The following CCDC148 variants were observed in gnomAD, a reference collection of about 807,000 sequenced individuals.
CCDC148 encodes the protein coiled-coil domain-containing protein 148.
In CCDC148, 89 loss-of-function variants were observed where a neutral mutation model predicts 85.7. The ratio of observed to expected loss-of-function variants is 1.04; its 90% CI spans 0.87 to 1.24. The LOEUF (loss-of-function observed/expected upper bound fraction) is 1.24. Among genes scored for constraint, CCDC148 ranks in the 50% most tolerant of loss-of-function variants. The pLI is 0.00. For missense variants in CCDC148, 692 were observed against 671.7 expected, an observed-to-expected ratio of 1.03 and a Z score of -0.33; for synonymous variants, 230 against 213.9, an observed-to-expected ratio of 1.08 and a Z score of -0.66.
chr2:158,208,340 CTCTT>C (rs1022978235), intron 11 of CCDC148, among the ~76,000 whole-genome samples: 2 of 42,908 alleles, frequency 4.7e-5, no homozygotes, highest in Admixed American at 3.7e-4. Context: ...AGAAGGTGTT[CTCTT>C]TCTTTTTTCT....
chr2:158,206,867 C>A (rs2105287808), intron 11 of CCDC148, among the ~76,000 whole-genome samples: 1 of 152,260 alleles, frequency 6.6e-6, no homozygotes, highest in African/African-American at 2.4e-5. Flanking sequence ...CAGCAACCTG[C>A]CACTTGCTCA....
intron 9 of CCDC148, among the ~76,000 whole-genome samples, chr2:158,306,778 G>A (rs1429968515): frequency 1.3e-5 from 2 of 151,078 alleles, no homozygotes; most frequent in African/African-American, 4.9e-5. Flanking sequence ...ATATACATAT[G>A]TAACAAACCT....
At chr2:158,348,270 T>C (rs79404224) in intron 2 of CCDC148, among the ~76,000 whole-genome samples, 28 of 152,160 alleles carry the variant, frequency 1.8e-4, no homozygotes, top group Admixed American at 4.6e-4. Context: ...TTGAATCTGA[T>C]CAAGTCCCTA....
Position 158,423,617 on chromosome 2 carries a change from A to G in CCDC148, c.25+32798T>C, listed in dbSNP as rs183749430. On this transcript the variant is annotated intron_variant, in intron 1 of 13. Transcript: ENST00000283233. ...AGACCTAAAACCATAAAAACCTTAG[A>G]AAAAAACCTAGGCAATACCATTCAG... 6.9e-3 allele frequency among the ~76,000 whole-genome samples: 1,048 copies of G among 152,320 alleles called. 16 individuals are homozygous for G. Among genetic ancestry groups the G allele is most frequent in the African/African-American group, 0.023 (946 of 41,560 alleles).
chr2:158,276,965 A>C (rs903530783), intron 9 of CCDC148, among the ~76,000 whole-genome samples: 16 of 152,234 alleles, frequency 1.1e-4, no homozygotes, highest in Non-Finnish European at 2.9e-5. Context: ...AATTTACTAA[A>C]AGATGTAAAT....
chr2:158,403,696 A>G (rs1685884924), intron 1 of CCDC148, among the ~76,000 whole-genome samples: 1 of 152,138 alleles, frequency 6.6e-6, no homozygotes, highest in African/African-American at 2.4e-5. Context: ...AAACACACAC[A>G]CACACACACA....
At chr2:158,225,455 C>A (rs1047063341) in intron 10 of CCDC148, among the ~76,000 whole-genome samples, 15 of 152,106 alleles carry the variant, frequency 9.9e-5, no homozygotes, top group African/African-American at 2.9e-4. Context: ...CCAAGCAGAA[C>A]TAATAGACAT....
chr2:158,246,493 G>A (rs968638209), intron 10 of CCDC148, among the ~76,000 whole-genome samples: 5 of 151,684 alleles, frequency 3.3e-5, no homozygotes, highest in Non-Finnish European at 4.4e-5. Flanking sequence ...ACACATACAC[G>A]CACACACACT....
intron 2 of CCDC148, among the ~76,000 whole-genome samples, chr2:158,348,797 CAT>C (rs1188291510): frequency 6.6e-6 from 1 of 151,926 alleles, no homozygotes; most frequent in African/African-American, 2.4e-5. Flanking sequence ...TCCAATTGTG[CAT>C]ATGTTTATAA....
intron 9 of CCDC148, among the ~76,000 whole-genome samples, chr2:158,258,208 G>C (rs1689085760): frequency 6.6e-6 from 1 of 150,786 alleles, no homozygotes; most frequent in Non-Finnish European, 1.5e-5. Context: ...TTCTGTGTGT[G>C]TTCATTTGTG....
chr2:158,358,264 A>G (rs1009849310), intron 2 of CCDC148, among the ~76,000 whole-genome samples, 185 bp downstream of exon 2: 26 of 152,234 alleles, frequency 1.7e-4, no homozygotes, highest in African/African-American at 6.3e-4. Context: ...GTATGAATGC[A>G]TGTAAACTAT....
chr2:158,246,855 CCA>C (rs1377614175), intron 10 of CCDC148, among the ~76,000 whole-genome samples: 2 of 152,108 alleles, frequency 1.3e-5, no homozygotes, highest in Non-Finnish European at 2.9e-5. Context: ...GCATAGTGTC[CCA>C]AGTCTAGAAA....
intron 1 of CCDC148, among the ~76,000 whole-genome samples, chr2:158,371,477 C>T (rs1435593575): frequency 6.6e-6 from 1 of 151,940 alleles, no homozygotes; most frequent in Admixed American, 6.6e-5. Flanking sequence ...GCTGGAGGAA[C>T]AGTTGCATTT....
chr2:158,223,885 A>C (rs1251406956), intron 10 of CCDC148, among the ~76,000 whole-genome samples: 1 of 152,236 alleles, frequency 6.6e-6, no homozygotes, highest in Admixed American at 6.5e-5. Context: ...CAGAGCAGAA[A>C]AACTGGAAAC....
At chr2:158,395,844 G>T (rs962846025) in intron 1 of CCDC148, among the ~76,000 whole-genome samples, 4 of 152,112 alleles carry the variant, frequency 2.6e-5, no homozygotes, top group African/African-American at 9.7e-5. Context: ...TAACAGGAAT[G>T]TTATGGGAAT....
chr2:158,439,996 C>A (rs1687861945), intron 1 of CCDC148, among the ~76,000 whole-genome samples: 1 of 151,938 alleles, frequency 6.6e-6, no homozygotes, highest in African/African-American at 2.4e-5. Flanking sequence ...GTAGCTAGGA[C>A]TACAGGCATG....
Position 158,340,252 on chromosome 2 carries a change from A to G in CCDC148, c.476T>C (p.Val159Ala). Reference sequence around the variant, plus strand: ...AGGTAACATACTAACCTCTTCCAATACTTTCATGGAGTTAAACTCAATATG... The same window carrying G: ...AGGTAACATACTAACCTCTTCCAATGCTTTCATGGAGTTAAACTCAATATG... The part of the protein sequence containing the change: ...HPHIEFNSMK[V>A]LEEVDFVKKQ... Residue 159 changes from valine (V) to alanine (A), a missense_variant, in exon 5 of 14, where the codon GTA becomes GCA. Transcript: ENST00000283233. The G allele has an allele frequency of 6.2e-7, 1 of 1,613,746 alleles. No homozygotes were observed. The highest frequency in any genetic ancestry group is 2.2e-5 in the East Asian group (1 of 44,814).
At chr2:158,230,930 G>A (rs1250546281) in intron 10 of CCDC148, among the ~76,000 whole-genome samples, 1 of 152,104 alleles carries the variant, frequency 6.6e-6, no homozygotes, top group Non-Finnish European at 1.5e-5. Context: ...TGAACAGCTG[G>A]TTGAAAGGTG....
At chr2:158,382,565 A>C (rs1371720702) in intron 1 of CCDC148, among the ~76,000 whole-genome samples, 5 of 152,176 alleles carry the variant, frequency 3.3e-5, no homozygotes, top group Non-Finnish European at 7.4e-5. Context: ...AGTTTGACAT[A>C]ACCAAGTGAC....
Sources: gnomAD v4.1 joint callset for allele counts (sites outside exome capture counted in the v4.1 genomes callset) on GRCh38, gnomAD v4.1.1 for gene constraint, MANE v1.5 for transcripts, NCBI Gene and HGNC (gene_info 2026-07-23, HGNC 2026-07-21) for gene names.